Variants in ZNF469 observed in about 807,000 individuals in gnomAD.
The protein encoded by ZNF469 is zinc finger protein 469.
Under a neutral mutation model 1.0 loss-of-function variants are expected in ZNF469, and 1 was observed. That is an observed-to-expected ratio of 1.00 (90% CI 0.35 to 4.73). The LOEUF (loss-of-function observed/expected upper bound fraction) is 4.73, where lower values mean the gene tolerates loss of function less well. Among genes scored for constraint, ZNF469 ranks in the 30% most tolerant of loss-of-function variants. The pLI is 0.16. For missense variants in ZNF469, 6,100 were observed against 5,356.3 expected, an observed-to-expected ratio of 1.14 and a Z score of -4.33; for synonymous variants, 2,703 against 2,363.4, an observed-to-expected ratio of 1.14 and a Z score of -4.17.
At chr16:88,381,326 A>T (rs1398569479), upstream of ZNF469, among the ~76,000 whole-genome samples, 1 of 149,556 alleles carries the variant, frequency 6.7e-6, no homozygotes, top group East Asian at 2.0e-4. Flanking sequence ...ACACACAGAG[A>T]CATGCACTCG....
the ZNF469 span, among the ~76,000 whole-genome samples, chr16:88,362,739 G>C: frequency 1.3e-5 from 2 of 152,098 alleles, no homozygotes; most frequent in African/African-American, 4.8e-5. Context: ...CTTTCTTATA[G>C]CTATAAATTT....
chr16:88,233,113 C>A, the ZNF469 span, among the ~76,000 whole-genome samples: 1 of 152,228 alleles, frequency 6.6e-6, no homozygotes, highest in Admixed American at 6.5e-5. Context: ...CCGAAAGACT[C>A]ACTGTTCCTG....
At position 88,433,522 on chromosome 16, in the gene ZNF469, G is replaced by T. The variant is rs1567513810; in HGVS notation, c.6052G>T (p.Val2018Phe). The T allele has an allele frequency of 1.3e-6, 2 of 1,550,430 alleles. No homozygotes were observed. The highest frequency in any genetic ancestry group is 2.0e-5 in the Admixed American group (1 of 51,012). Residue 2018 changes from valine to phenylalanine, a missense_variant, in exon 3 of 3, where the codon GTC (valine) becomes TTC (phenylalanine). Coordinates refer to ENST00000565624, the MANE Select transcript of ZNF469 (RefSeq NM_001367624.2). ...SPGGTDNHAS[V>F]NASPKTALTG... is the part of the protein sequence containing the mutation. ...AGGGGGCACGGACAACCACGCCTCA[G>T]TCAATGCCAGTCCCAAAACAGCGCT... is the stretch of plus-strand genomic sequence containing the variant.
the ZNF469 span, among the ~76,000 whole-genome samples, chr16:88,321,480 A>G: frequency 2.4e-4 from 36 of 150,804 alleles, no homozygotes; most frequent in African/African-American, 4.6e-4. Flanking sequence ...CTGATTGGAT[A>G]TGGCTCTCAG....
intron 1 of ZNF469, among the ~76,000 whole-genome samples, chr16:88,398,286 C>T (rs1209016554): frequency 6.6e-6 from 1 of 152,194 alleles, no homozygotes; most frequent in Non-Finnish European, 1.5e-5. Context: ...GAAACGTGAA[C>T]CACAGATGAA....
chr16:88,123,224 G>C, the ZNF469 span, among the ~76,000 whole-genome samples: 6 of 152,060 alleles, frequency 3.9e-5, no homozygotes, highest in Non-Finnish European at 7.4e-5. Flanking sequence ...TGGATGAGAC[G>C]GTTTTCCAGG....
At chr16:88,380,007 G>A (rs2092516696), upstream of ZNF469, among the ~76,000 whole-genome samples, 1 of 152,074 alleles carries the variant, frequency 6.6e-6, no homozygotes, top group Admixed American at 6.5e-5. Context: ...AGGTGCCCCA[G>A]GGCTAGGAAA....
intron 1 of ZNF469, among the ~76,000 whole-genome samples, chr16:88,416,805 C>G (rs1905313902): frequency 6.6e-6 from 1 of 152,172 alleles, no homozygotes; most frequent in Non-Finnish European, 1.5e-5. Context: ...CGGGACCCAG[C>G]CTGCAGAAGG....
the ZNF469 span, among the ~76,000 whole-genome samples, chr16:88,250,203 G>A: frequency 1.8e-4 from 28 of 152,294 alleles, no homozygotes; most frequent in African/African-American, 6.0e-4. Flanking sequence ...CTGCACCTCC[G>A]TGGGACTTCC....
chr16:88,356,019 G>C, the ZNF469 span, among the ~76,000 whole-genome samples: 1 of 152,190 alleles, frequency 6.6e-6, no homozygotes, highest in African/African-American at 2.4e-5. Flanking sequence ...CCTCTGAGGA[G>C]GAGAGGACCC....
intron 1 of ZNF469, among the ~76,000 whole-genome samples, chr16:88,402,238 C>T (rs1352201334): frequency 6.6e-6 from 1 of 151,644 alleles, no homozygotes; most frequent in African/African-American, 2.4e-5. Flanking sequence ...ATGGTGACTG[C>T]AGTCTTCCAG....
the ZNF469 span, among the ~76,000 whole-genome samples, chr16:88,229,683 G>T: frequency 6.7e-6 from 1 of 148,654 alleles, no homozygotes; most frequent in African/African-American, 2.5e-5. Flanking sequence ...GTGTGCTGAT[G>T]CCATACGTGT....
At position 88,427,837 on chromosome 16, in the gene ZNF469, G is replaced by T. The variant is rs1424702008; in HGVS notation, c.367G>T (p.Gly123Cys). Residue 123 changes from glycine to cysteine, a missense_variant, in exon 3 of 3, where the codon GGC becomes TGC. Physicochemically the swap from Gly to Cys is radical, Grantham distance 159 (BLOSUM62 -3). Transcript: ENST00000565624. ...EGSPPQRYIL[G>C]IASSRTKPTL... The stretch of plus-strand genomic sequence containing the variant: ...CAGCCCCCCACAGCGCTACATTCTG[G>T]GCATCGCCAGCTCGAGGACCAAGCC... 6.5e-7 allele frequency: 1 copy of T among 1,548,958 alleles called. No homozygotes were observed. The highest frequency in any genetic ancestry group is 2.0e-5 in the Admixed American group (1 of 50,990).
At chr16:88,364,850 A>G in the ZNF469 span, among the ~76,000 whole-genome samples, 2 of 152,312 alleles carry the variant, frequency 1.3e-5, no homozygotes, top group South Asian at 4.1e-4. Context: ...CTGTAATCCC[A>G]TCTACTTGAG....
At chr16:88,393,227 G>A (rs934221754) in intron 1 of ZNF469, among the ~76,000 whole-genome samples, 3 of 152,364 alleles carry the variant, frequency 2.0e-5, no homozygotes, top group Admixed American at 6.5e-5. Context: ...AAGAAAAGCC[G>A]CCAGCGGCCC....
the ZNF469 span, among the ~76,000 whole-genome samples, chr16:88,284,754 C>T: frequency 7.2e-5 from 11 of 152,210 alleles, no homozygotes; most frequent in South Asian, 2.1e-4. Flanking sequence ...AGGCACACTC[C>T]GCCGTGCCCC....
At chr16:88,146,666 T>C in the ZNF469 span, among the ~76,000 whole-genome samples, 1 of 151,478 alleles carries the variant, frequency 6.6e-6, no homozygotes, top group Admixed American at 6.5e-5. Context: ...GCTGTGCATT[T>C]GTGGGGGGGC....
In ZNF469 at chr16:88,438,466, C is replaced by A; in HGVS notation, c.10996C>A (p.His3666Asn). ...VSEGGPRGAF[H>N]KGSATKPAGC... ...TGAGGGGGGGCCCCGAGGCGCCTTC[C>A]ACAAGGGCAGCGCCACCAAGCCTGC... The change falls in exon 3 of 3, where the codon CAC becomes AAC. Residue 3666 changes from histidine (H) to asparagine (N), a missense_variant. Physicochemically the swap from His to Asn is moderately conservative, Grantham distance 68. Transcript: ENST00000565624. 6.5e-7 allele frequency: 1 copy of A among 1,550,126 alleles called. No individual in the cohort carries two copies. Among genetic ancestry groups the A allele is most frequent in the South Asian group, 1.2e-5 (1 of 84,070 alleles).
the ZNF469 span, among the ~76,000 whole-genome samples, chr16:88,204,451 A>C: frequency 6.6e-5 from 10 of 152,260 alleles, no homozygotes; most frequent in Non-Finnish European, 1.3e-4. Flanking sequence ...TCTGTTTCCC[A>C]CTTCTTTCAG....
Sources: allele counts gnomAD v4.1 joint callset (sites outside exome capture counted in the v4.1 genomes callset), GRCh38; gene constraint gnomAD v4.1.1; transcripts MANE v1.5; gene names NCBI Gene and HGNC (gene_info 2026-07-23, HGNC 2026-07-21).